Variants in MICAL2 observed in about 807,000 individuals in gnomAD.
MICAL2 encodes [F-actin]-monooxygenase MICAL2.
MICAL2 carries 77 observed loss-of-function variants against 127.3 expected under a neutral mutation model. That is an observed-to-expected ratio of 0.60 (90% CI 0.50 to 0.73). MICAL2 has a LOEUF of 0.73. Among genes scored for constraint, MICAL2 ranks in the 30% least tolerant of loss-of-function variants. The pLI, the probability that MICAL2 is intolerant of heterozygous loss-of-function variation, is 0.00. For synonymous variants in MICAL2, 570 were observed against 551.1 expected (o/e 1.03, Z -0.48); for missense variants, 1,351 against 1,434.4 (o/e 0.94, Z 0.94).
chr11:12,161,047 C>G (rs1045238272), intron 2 of MICAL2, among the ~76,000 whole-genome samples: 1 of 152,322 alleles, frequency 6.6e-6, no homozygotes, highest in African/African-American at 2.4e-5. Context: ...CGGTGGAGCT[C>G]GGTCTGCTGT....
At chr11:12,359,782 G>A (rs531672992), downstream of MICAL2, among the ~76,000 whole-genome samples, 1 of 152,240 alleles carries the variant, frequency 6.6e-6, no homozygotes, top group Admixed American at 6.5e-5. Flanking sequence ...GTCTATTATC[G>A]ATAAGAGAAA....
intron 32 of MICAL2, among the ~76,000 whole-genome samples, chr11:12,344,107 G>A (rs956842398): frequency 6.6e-6 from 1 of 152,056 alleles, no homozygotes; most frequent in Non-Finnish European, 1.5e-5. Flanking sequence ...ACCAGCCTGG[G>A]CAACATAGCG....
chr11:12,294,075 CT>C (rs747295360), downstream of MICAL2: 1 of 1,614,106 alleles, frequency 6.2e-7, no homozygotes, highest in South Asian at 1.1e-5. Flanking sequence ...CAGAAAAGTG[CT>C]GAGAATGGTA....
intron 30 of MICAL2, chr11:12,319,831 C>T (rs764713905): frequency 1.3e-6 from 2 of 1,584,532 alleles, no homozygotes; most frequent in East Asian, 4.5e-5. Flanking sequence ...CTTGACCAGC[C>T]AAAGAGGGCC....
intron 15 of MICAL2, 106 bp from the exon 16 acceptor site, chr11:12,236,071 C>T (rs1382207241): frequency 7.8e-6 from 7 of 902,032 alleles, no homozygotes; most frequent in South Asian, 4.1e-5. Context: ...GGCAGGGACA[C>T]ATCCTCAGCG....
intron 20 of MICAL2, among the ~76,000 whole-genome samples, chr11:12,243,710 G>A (rs571355944): frequency 1.3e-5 from 2 of 152,198 alleles, no homozygotes; most frequent in African/African-American, 2.4e-5. Flanking sequence ...AATTGGCATC[G>A]GTGTCTGAGG....
intron 31 of MICAL2, among the ~76,000 whole-genome samples, chr11:12,326,993 A>G (rs1418411712): frequency 6.6e-6 from 1 of 152,200 alleles, no homozygotes; most frequent in Non-Finnish European, 1.5e-5. Flanking sequence ...GTTGCATGCT[A>G]AGGAAGGGAA....
chr11:12,307,287 T>C lies in MICAL2; in HGVS notation c.5213-12409T>C, dbSNP rs1864122977. 2.0e-5 allele frequency among the ~76,000 whole-genome samples: 3 copies of C among 152,254 alleles called. No individual in the cohort carries two copies. In the South Asian group the frequency reaches 6.2e-4, roughly 31 times the overall value. On this transcript the variant is annotated intron_variant, in intron 29 of 34. Transcript: ENST00000646065. ...ATCTTTTGCCCATTTTTAAATTGTG[T>C]TGTTTCTTAGTTTTGAGTTTTAAGA...
intron 30 of MICAL2, chr11:12,323,952 A>AT (rs759079614): frequency 1.3e-6 from 2 of 1,587,176 alleles, no homozygotes; most frequent in South Asian, 2.3e-5. Flanking sequence ...CTCTGACATA[A>AT]TTTTTTTCTC....
At chr11:12,215,988 G>A (rs1406502014) in intron 7 of MICAL2, among the ~76,000 whole-genome samples, 1 of 152,172 alleles carries the variant, frequency 6.6e-6, no homozygotes, top group Non-Finnish European at 1.5e-5. Flanking sequence ...CAGACGTTGT[G>A]AGTTTTAACA....
intron 24 of MICAL2, among the ~76,000 whole-genome samples, chr11:12,270,125 A>G (rs1863657979): frequency 6.6e-6 from 1 of 152,200 alleles, no homozygotes. Context: ...ATTGTGACAT[A>G]CACTGGCAGT....
At chr11:12,325,582 G>A (rs372430963) in intron 31 of MICAL2, among the ~76,000 whole-genome samples, 3 of 152,238 alleles carry the variant, frequency 2.0e-5, no homozygotes, top group East Asian at 1.9e-4. Flanking sequence ...CCTCTCTTCC[G>A]GGCTTATAGA....
chr11:12,275,042 C>T (rs968057491), upstream of MICAL2, among the ~76,000 whole-genome samples: 9 of 151,950 alleles, frequency 5.9e-5, no homozygotes, highest in Non-Finnish European at 8.8e-5. Flanking sequence ...GGATTCCCGA[C>T]GTGTTTTGAA....
chr11:12,210,794 G>A (rs891511296), intron 6 of MICAL2, among the ~76,000 whole-genome samples: 2 of 152,192 alleles, frequency 1.3e-5, no homozygotes, highest in African/African-American at 4.8e-5. Context: ...GTAAACTAGA[G>A]CAGGGCTTCT....
chr11:12,182,152 G>C (rs1857556841), intron 3 of MICAL2, among the ~76,000 whole-genome samples: 1 of 152,218 alleles, frequency 6.6e-6, no homozygotes, highest in Admixed American at 6.5e-5. Context: ...AGCTATGCTA[G>C]ATCTGTTAAT....
chr11:12,113,599 C>T lies in MICAL2; in HGVS notation c.-149+2873C>T, dbSNP rs115459490. ...GGTTTCGGTTACAGTCAGCCATGGT[C>T]TGAAAATATTATAGTATTTTGAGAG... On this transcript the variant is annotated intron_variant, in intron 1 of 27. Transcript: ENST00000683283. Among the ~76,000 whole-genome samples, 696 of 152,304 alleles carry T rather than the reference C, an allele frequency of 4.6e-3. 2 individuals carry two copies. Among genetic ancestry groups the T allele is most frequent in the African/African-American group, 0.016 (650 of 41,574 alleles).
intron 14 of MICAL2, 33 bp downstream of exon 14, chr11:12,226,403 C>T (rs1245647324): frequency 6.3e-7 from 1 of 1,599,934 alleles, no homozygotes; most frequent in East Asian, 2.2e-5. Context: ...TGCTTAGCCC[C>T]TTGAGCCAAC....
intron 2 of MICAL2, among the ~76,000 whole-genome samples, chr11:12,281,958 C>T (rs1863776805): frequency 6.6e-6 from 1 of 152,208 alleles, no homozygotes. Flanking sequence ...CTGACGGAAA[C>T]TTGCTGCCCA....
intron 32 of MICAL2, among the ~76,000 whole-genome samples, chr11:12,329,000 AC>A (rs1864384386): frequency 6.6e-6 from 1 of 152,308 alleles, no homozygotes; most frequent in Non-Finnish European, 1.5e-5. Flanking sequence ...CTAGAGTCAG[AC>A]TTTACCTCTT....
Sources: allele counts gnomAD v4.1 joint callset (sites outside exome capture counted in the v4.1 genomes callset), GRCh38; gene constraint gnomAD v4.1.1; transcripts MANE v1.5; gene names NCBI Gene and HGNC (gene_info 2026-07-23, HGNC 2026-07-21).